Variants in EPRS1 observed in about 807,000 individuals in gnomAD.
EPRS1 encodes bifunctional glutamate/proline--tRNA ligase.
EPRS1 carries 107 observed loss-of-function variants against 188.3 expected under a neutral mutation model. The observed-to-expected ratio is 0.57, with a 90% CI of 0.49 to 0.67. The LOEUF is 0.67. EPRS1 is among the 30% of genes least tolerant of loss of function. The pLI, the probability that EPRS1 is intolerant of heterozygous loss-of-function variation, is 0.00. For missense variants in EPRS1, 1,577 were observed against 1,802.2 expected (o/e 0.88, Z 2.26); for synonymous variants, 596 against 593.1 (o/e 1.00, Z -0.07).
Position 220,020,130 on chromosome 1 carries a change from C to CA in EPRS1, c.1206_1207insT (p.Asp403Ter). ...TCAATAATCCAGTAAAACTGCTCAT[C>CA]TCTGTCATGGTATTCTGTTGTTCTC... On this transcript the variant is annotated frameshift_variant, in exon 10 of 32. Coordinates refer to ENST00000366923, the MANE Select transcript of EPRS1 (RefSeq NM_004446.3). LOFTEE classifies it high-confidence loss of function. The CA allele has an allele frequency of 6.2e-7, 1 of 1,614,062 alleles. No individual in the cohort carries two copies. Among genetic ancestry groups the CA allele is most frequent in the Non-Finnish European group, 8.5e-7 (1 of 1,179,966 alleles).
intron 17 of EPRS1, among the ~76,000 whole-genome samples, chr1:220,000,568 T>C (rs1661331015): frequency 6.6e-6 from 1 of 152,248 alleles, no homozygotes; most frequent in African/African-American, 2.4e-5. Context: ...ACTTTTCGTA[T>C]GTTAACATGT....
chr1:220,040,864 AT>A (rs896236421), intron 1 of EPRS1, among the ~76,000 whole-genome samples: 4 of 151,404 alleles, frequency 2.6e-5, no homozygotes, highest in African/African-American at 9.7e-5. Flanking sequence ...AAAAAAAAAA[AT>A]AGTATAGTGC....
chr1:219,987,994 T>C (rs954522019), intron 19 of EPRS1, among the ~76,000 whole-genome samples: 1 of 152,140 alleles, frequency 6.6e-6, no homozygotes, highest in African/African-American at 2.4e-5. Context: ...TCCATAGGAA[T>C]CTAAGTTAAG....
At chr1:220,009,878 G>C (rs1661566154) in intron 13 of EPRS1, among the ~76,000 whole-genome samples, 1 of 151,736 alleles carries the variant, frequency 6.6e-6, no homozygotes, top group Non-Finnish European at 1.5e-5. Flanking sequence ...CAGATCATTT[G>C]AGGCCAGGAG....
chr1:220,045,047 ATTAAG>A (rs1313733271), intron 1 of EPRS1, among the ~76,000 whole-genome samples: 12 of 152,360 alleles, frequency 7.9e-5, no homozygotes, highest in East Asian at 1.9e-4. Flanking sequence ...TAAAATGGCT[ATTAAG>A]TTGTGTTTTT....
In EPRS1 at chr1:219,979,607, T is replaced by C; in HGVS notation, c.3720A>G (p.Thr1240=). ...SASGRAIQGG[T]SHHLGQNFSK... ...AAAAATTCTGCCCTAAATGATGTGA[T>C]GTTCCTCCCTAAAATAGAGAGAGAA... Residue 1240 remains threonine (T), a synonymous_variant, in exon 27 of 32, where the codon ACA becomes ACG. Transcript: ENST00000366923. 1.2e-6 allele frequency: 2 copies of C among 1,609,532 alleles called. No homozygotes were observed. The highest frequency in any genetic ancestry group is 1.7e-6 in the Non-Finnish European group (2 of 1,175,964).
At chr1:220,033,449 T>G in intron 4 of EPRS1, 53 bp downstream of exon 4, 1 of 1,332,302 alleles carries the variant, frequency 7.5e-7, no homozygotes. Context: ...ATAATTTTTA[T>G]CCAGCAAAAT....
chr1:220,035,305 C>T (rs1437013425), intron 2 of EPRS1, among the ~76,000 whole-genome samples: 1 of 152,096 alleles, frequency 6.6e-6, no homozygotes, highest in East Asian at 2.0e-4. Context: ...TGGCTGCCAC[C>T]ACGACAGGCT....
At position 220,034,429 on chromosome 1, in the gene EPRS1, C is replaced by T. The variant is rs552667569; in HGVS notation, c.231+485G>A. Among the ~76,000 whole-genome samples, 26 of 152,142 alleles carry T rather than the reference C, an allele frequency of 1.7e-4. No homozygotes were observed. In the South Asian group the frequency reaches 2.1e-3, roughly 12 times the overall value. ...CTGCCTAATAACACATTTCTCAGAA[C>T]GCATCCCATTGTTAAGAGGCACATG... is the stretch of plus-strand genomic sequence containing the variant. On this transcript the variant is annotated intron_variant, in intron 3 of 31. Transcript: ENST00000366923.
chr1:220,006,105 C>A lies in EPRS1; in HGVS notation c.1950+1G>T. On this transcript the variant is annotated splice_donor_variant, in intron 15 of 31. Coordinates refer to ENST00000366923, the MANE Select transcript of EPRS1 (RefSeq NM_004446.3). LOFTEE classifies it high-confidence loss of function. ...GAAATATGGTTTCTTTGGAAGGTTA[C>A]CTTACTGTTCTTGTTGACATACTGC... 2 of 1,533,074 alleles carry A rather than the reference C, an allele frequency of 1.3e-6. No homozygotes were observed. Among genetic ancestry groups the A allele is most frequent in the South Asian group, 1.3e-5 (1 of 77,918 alleles). 95.0% of individuals were successfully genotyped at this position (1,533,074 alleles called of 1,614,324 possible).
chr1:220,031,481 G>A (rs1662082137), intron 5 of EPRS1, among the ~76,000 whole-genome samples: 1 of 152,210 alleles, frequency 6.6e-6, no homozygotes, highest in Admixed American at 6.5e-5. Flanking sequence ...CTACACACAT[G>A]AGAAGTCATA....
At chr1:220,043,749 T>G (rs1427433075) in intron 1 of EPRS1, among the ~76,000 whole-genome samples, 1 of 152,214 alleles carries the variant, frequency 6.6e-6, no homozygotes, top group Non-Finnish European at 1.5e-5. Context: ...CAGAGGATAT[T>G]CTTCAAGTTA....
intron 28 of EPRS1, among the ~76,000 whole-genome samples, chr1:219,973,888 G>C (rs1303956701): frequency 1.3e-5 from 2 of 152,036 alleles, no homozygotes; most frequent in African/African-American, 4.8e-5. Flanking sequence ...ACAGATTTTG[G>C]GGTCCTGCCT....
At chr1:220,029,061 A>T (rs778013348) in intron 6 of EPRS1, among the ~76,000 whole-genome samples, 1 of 152,218 alleles carries the variant, frequency 6.6e-6, no homozygotes, top group Non-Finnish European at 1.5e-5. Context: ...ATATGAAAAG[A>T]TTTAAAAAAG....
At chr1:220,032,122 A>T (rs1662095385) in intron 5 of EPRS1, among the ~76,000 whole-genome samples, 1 of 151,830 alleles carries the variant, frequency 6.6e-6, no homozygotes. Flanking sequence ...TTGCCCAGGC[A>T]GGAGTGCAGT....
At position 219,973,331 on chromosome 1, in the gene EPRS1, C is replaced by T. The variant is rs1660704902; in HGVS notation, c.4151G>A (p.Arg1384Gln). The stretch of plus-strand genomic sequence containing the variant: ...AACTGTCAGCTTTTCTCCAGTATCT[C>T]GTCTGACGGCTACAAACTGACAGCT... Reference protein sequence around the residue: ...MKSCQFVAVRRDTGEKLTVAE... With the variant: ...MKSCQFVAVRQDTGEKLTVAE... Residue 1384 changes from arginine to glutamine, a missense_variant, in exon 29 of 32, where the codon CGA becomes CAA. By Grantham distance (43) the Arg-to-Gln change is conservative (BLOSUM62 1). Transcript: ENST00000366923. 5.0e-6 allele frequency: 8 copies of T among 1,612,188 alleles called. No homozygotes were observed. The highest frequency in any genetic ancestry group is 1.1e-5 in the South Asian group (1 of 90,982).
Position 220,011,073 on chromosome 1 carries a change from C to T in EPRS1, c.1495-17G>A, listed in dbSNP as rs775916428. 36 of 1,422,318 alleles carry T rather than the reference C, an allele frequency of 2.5e-5. No individual in the cohort carries two copies. The highest frequency in any genetic ancestry group is 3.6e-5 in the Non-Finnish European group (36 of 1,005,496). 88.1% of individuals were successfully genotyped at this position (1,422,318 alleles called of 1,614,324 possible). A position where few individuals can be genotyped will look rare whatever the true frequency, so the allele number is the denominator to read the frequency against. ...GTCAATAACCTGCAACAAATACATC[C>T]TCATGTTAAAACACTGCGATATCTT... On this transcript the variant is annotated splice_polypyrimidine_tract_variant and intron_variant, in intron 12 of 31. Transcript: ENST00000366923.
At chr1:220,040,366 T>TC in intron 1 of EPRS1, 97 bp from the exon 2 acceptor site, 1 of 799,202 alleles carries the variant, frequency 1.3e-6, no homozygotes. Context: ...AAACCAATAT[T>TC]AAGTCCTACA....
rs555561974 is a variant in EPRS1, at chr1:219,978,866, C to T, written c.3910-147G>A. On this transcript the variant is annotated intron_variant, in intron 27 of 31. Coordinates refer to ENST00000366923, the MANE Select transcript of EPRS1 (RefSeq NM_004446.3). The stretch of plus-strand genomic sequence containing the variant: ...TCTTATATATAATGTCTACTAATTA[C>T]CTGCAAATCACTTACCCGTGCTAAA... The T allele has an allele frequency of 5.4e-6, 3 of 553,516 alleles. No homozygotes were observed. In the South Asian group the frequency reaches 8.9e-5, roughly 16 times the overall value. The allele number at this position is 553,516 out of a possible 1,614,324, so 34.3% of individuals were successfully genotyped here. A position where few individuals can be genotyped will look rare whatever the true frequency, so the allele number is the denominator to read the frequency against.
Sources: allele counts gnomAD v4.1 joint callset (sites outside exome capture counted in the v4.1 genomes callset), GRCh38; gene constraint gnomAD v4.1.1; transcripts MANE v1.5; gene names NCBI Gene and HGNC (gene_info 2026-07-23, HGNC 2026-07-21).